SLC35F4: variants seen among roughly 807,000 people sequenced by gnomAD.
SLC35F4 encodes chromosome 14 open reading frame 36.
A neutral mutation model predicts 44.2 loss-of-function variants in SLC35F4; 24 were observed. That is an observed-to-expected ratio of 0.54 (90% CI 0.39 to 0.76). The LOEUF is 0.76. Among genes scored for constraint, SLC35F4 ranks in the 30% least tolerant of loss-of-function variants. SLC35F4 has a pLI of 0.00. For missense variants in SLC35F4, 562 were observed against 586.1 expected (o/e 0.96, Z 0.42); for synonymous variants, 238 against 223.6 (o/e 1.06, Z -0.57).
intron 1 of SLC35F4, among the ~76,000 whole-genome samples, chr14:57,745,926 C>A (rs1463436874): frequency 5.3e-5 from 8 of 152,238 alleles, no homozygotes; most frequent in African/African-American, 1.9e-4. Context: ...AGTTCATGTC[C>A]TTTGTAGGGA....
chr14:57,957,666 A>G (rs988372405), intron 1 of SLC35F4, among the ~76,000 whole-genome samples: 5 of 152,138 alleles, frequency 3.3e-5, no homozygotes, highest in African/African-American at 9.7e-5. Flanking sequence ...AGAGACAACC[A>G]GAGGATAGAG....
intron 1 of SLC35F4, among the ~76,000 whole-genome samples, chr14:57,962,154 A>T (rs1401286210): frequency 6.6e-6 from 1 of 152,244 alleles, no homozygotes; most frequent in Non-Finnish European, 1.5e-5. Context: ...TGCAGTTTAA[A>T]AACTTCTTTG....
intron 1 of SLC35F4, among the ~76,000 whole-genome samples, chr14:57,879,932 G>A (rs181496940): frequency 1.4e-4 from 21 of 151,512 alleles, no homozygotes; most frequent in Non-Finnish European, 2.4e-4. Context: ...GGGAGAGAAG[G>A]AGTGAGGTGG....
At chr14:57,906,446 T>G in intron 1 of SLC35F4, among the ~76,000 whole-genome samples, 1 of 152,248 alleles carries the variant, frequency 6.6e-6, no homozygotes, top group East Asian at 1.9e-4. Flanking sequence ...GTCTTATGAT[T>G]GTTGCATGAC....
intron 1 of SLC35F4, among the ~76,000 whole-genome samples, chr14:57,910,575 T>C (rs555600322): frequency 2.2e-4 from 33 of 152,220 alleles, no homozygotes; most frequent in Middle Eastern, 3.4e-3. Context: ...TCCTTTGTCA[T>C]AGATTAGTTG....
chr14:57,684,458 T>C (rs776220536), intron 1 of SLC35F4, among the ~76,000 whole-genome samples: 3 of 152,056 alleles, frequency 2.0e-5, no homozygotes, highest in Admixed American at 6.5e-5. Context: ...ATCCCTCACA[T>C]GTGCAGTTCA....
At chr14:57,761,767 T>G (rs939883463) in intron 1 of SLC35F4, among the ~76,000 whole-genome samples, 1 of 152,170 alleles carries the variant, frequency 6.6e-6, no homozygotes. Flanking sequence ...CAAAAGATCT[T>G]GTGAAGGGAA....
chr14:57,588,651 G>T (rs2069952687), intron 3 of SLC35F4, among the ~76,000 whole-genome samples: 1 of 152,146 alleles, frequency 6.6e-6, no homozygotes, highest in Non-Finnish European at 1.5e-5. Context: ...GCCCCCATGT[G>T]CATCTAGGCA....
chr14:57,574,254 A>G (rs1956806703), intron 4 of SLC35F4, among the ~76,000 whole-genome samples: 1 of 152,260 alleles, frequency 6.6e-6, no homozygotes, highest in Non-Finnish European at 1.5e-5. Flanking sequence ...TAAAGATTAC[A>G]TAACTCTGTA....
intron 1 of SLC35F4, among the ~76,000 whole-genome samples, chr14:57,646,005 T>A (rs1015345241): frequency 3.3e-5 from 5 of 152,208 alleles, no homozygotes. Context: ...CTTTTTGATG[T>A]GCTGCTGGAT....
intron 1 of SLC35F4, among the ~76,000 whole-genome samples, chr14:57,594,381 G>T (rs1193814595): frequency 6.6e-6 from 1 of 152,098 alleles, no homozygotes; most frequent in Non-Finnish European, 1.5e-5. Flanking sequence ...TAGAGACAGG[G>T]TTTCACAGTG....
chr14:57,716,574 C>A (rs2075950196), intron 1 of SLC35F4, among the ~76,000 whole-genome samples: 1 of 151,998 alleles, frequency 6.6e-6, no homozygotes, highest in Non-Finnish European at 1.5e-5. Flanking sequence ...CTCAAAAATC[C>A]ACTTCCCATA....
chr14:57,720,221 G>T (rs1472050708), intron 1 of SLC35F4, among the ~76,000 whole-genome samples: 1 of 152,028 alleles, frequency 6.6e-6, no homozygotes, highest in African/African-American at 2.4e-5. Context: ...ATGTATTGTT[G>T]AATTTGGTTT....
chr14:57,681,307 C>T (rs1271992531), intron 1 of SLC35F4, among the ~76,000 whole-genome samples: 1 of 152,026 alleles, frequency 6.6e-6, no homozygotes, highest in African/African-American at 2.4e-5. Context: ...GTTGGGAAAA[C>T]AGGCTAGCCA....
At chr14:57,698,919 C>A (rs994477356) in intron 1 of SLC35F4, among the ~76,000 whole-genome samples, 1 of 152,132 alleles carries the variant, frequency 6.6e-6, no homozygotes, top group Non-Finnish European at 1.5e-5. Flanking sequence ...AGACACCATG[C>A]CTGGCCATGA....
chr14:57,921,629 G>A (rs1339685075), intron 1 of SLC35F4, among the ~76,000 whole-genome samples: 1 of 152,156 alleles, frequency 6.6e-6, no homozygotes, highest in Non-Finnish European at 1.5e-5. Flanking sequence ...CCTTCTGAGA[G>A]CTGAGGGAAG....
At chr14:57,883,063 G>GGAGGAC in intron 1 of SLC35F4, among the ~76,000 whole-genome samples, 1 of 151,854 alleles carries the variant, frequency 6.6e-6, no homozygotes, top group East Asian at 1.9e-4. Flanking sequence ...GGGAGGAGGA[G>GGAGGAC]GAGGACGAGG....
chr14:57,951,503 C>G (rs1406835597), intron 1 of SLC35F4, among the ~76,000 whole-genome samples: 3 of 152,148 alleles, frequency 2.0e-5, no homozygotes, highest in Non-Finnish European at 4.4e-5. Flanking sequence ...GGATCCAAGC[C>G]CCACAGAGCC....
intron 1 of SLC35F4, among the ~76,000 whole-genome samples, chr14:57,735,363 T>C (rs779933850): frequency 3.3e-5 from 5 of 152,256 alleles, no homozygotes; most frequent in Non-Finnish European, 5.9e-5. Context: ...TTGTGATATC[T>C]CATAATTCTG....
Sources: allele counts gnomAD v4.1 joint callset (sites outside exome capture counted in the v4.1 genomes callset), GRCh38; gene constraint gnomAD v4.1.1; transcripts MANE v1.5; gene names NCBI Gene and HGNC (gene_info 2026-07-23, HGNC 2026-07-21).